The following CATSPERB variants were observed in gnomAD, a reference collection of about 807,000 sequenced individuals.
CATSPERB encodes catsper channel auxiliary subunit beta, also known as cation channel sperm-associated auxiliary subunit beta.
CATSPERB carries 93 observed loss-of-function variants against 128.3 expected under a neutral mutation model. That is an observed-to-expected ratio of 0.72 (90% confidence interval 0.61 to 0.86). CATSPERB has a LOEUF of 0.86. Ranked by LOEUF, CATSPERB falls within the 40% of genes least tolerant of loss-of-function variation. The pLI is 0.00. For synonymous variants in CATSPERB, 381 were observed against 448.8 expected, an observed-to-expected ratio of 0.85 and a Z score of 1.91; for missense variants, 1,153 against 1,329.5, an observed-to-expected ratio of 0.87 and a Z score of 2.06.
intron 17 of CATSPERB, among the ~76,000 whole-genome samples, chr14:91,630,032 C>T (rs1409967327): frequency 2.6e-5 from 4 of 152,204 alleles, no homozygotes; most frequent in African/African-American, 4.8e-5. Flanking sequence ...CCAGCTGATC[C>T]CTTCCACTCC....
At chr14:91,676,143 T>A (rs1895189997) in intron 11 of CATSPERB, among the ~76,000 whole-genome samples, 1 of 152,228 alleles carries the variant, frequency 6.6e-6, no homozygotes, top group Non-Finnish European at 1.5e-5. Flanking sequence ...GTCATTAGAC[T>A]GTTGGGGAAA....
At chr14:91,591,690 T>C (rs1893406411) in intron 23 of CATSPERB, among the ~76,000 whole-genome samples, 1 of 152,082 alleles carries the variant, frequency 6.6e-6, no homozygotes. Context: ...GCAGGTATTA[T>C]TGTTTTATTT....
At chr14:91,700,870 C>A (rs1360693174) in intron 7 of CATSPERB, among the ~76,000 whole-genome samples, 1 of 152,092 alleles carries the variant, frequency 6.6e-6, no homozygotes, top group African/African-American at 2.4e-5. Flanking sequence ...GTGCTATGCT[C>A]ACTATCTGGG....
chr14:91,630,557 T>C lies in CATSPERB; in HGVS notation c.1743-5550A>G, dbSNP rs149876640. Among the ~76,000 whole-genome samples, 14 of 152,332 alleles carry C rather than the reference T, an allele frequency of 9.2e-5. No homozygotes were observed. The East Asian group carries it at 2.5e-3, about 27-fold the overall frequency. ...AAAATGGCGGTAGCGTCCTTCTAGC[T>C]ACAAACCACAAACCTAGACAATTTT... On this transcript the variant is annotated intron_variant, in intron 17 of 26. Transcript: ENST00000256343.
intron 15 of CATSPERB, among the ~76,000 whole-genome samples, chr14:91,641,467 T>A (rs1464987952): frequency 6.6e-6 from 1 of 152,144 alleles, no homozygotes; most frequent in African/African-American, 2.4e-5. Context: ...AAATAGGGAA[T>A]CCTTTCCCCA....
intron 2 of CATSPERB, among the ~76,000 whole-genome samples, chr14:91,726,658 A>T (rs1242183314): frequency 6.6e-6 from 1 of 152,186 alleles, no homozygotes; most frequent in Non-Finnish European, 1.5e-5. Flanking sequence ...GGGAATGAAG[A>T]AGTTTTTGCC....
chr14:91,714,574 T>G (rs1226253654), intron 5 of CATSPERB, among the ~76,000 whole-genome samples: 1 of 149,156 alleles, frequency 6.7e-6, no homozygotes, highest in African/African-American at 2.5e-5. Context: ...TTTTTTTTTT[T>G]TTTGAGATAG....
chr14:91,624,822 T>G lies in CATSPERB; in HGVS notation c.1928A>C (p.Gln643Pro). Residue 643 changes from glutamine to proline, a missense_variant and splice_region_variant, in exon 18 of 27, where the codon CAA becomes CCA. Coordinates refer to ENST00000256343, the MANE Select transcript of CATSPERB (RefSeq NM_024764.4). ...GNVYKLTLDSQVVQALFEDTD... is the reference protein window; with the variant it reads ...GNVYKLTLDSPVVQALFEDTD... The stretch of plus-strand genomic sequence containing the variant: ...ATGTATGATATTATTATACCTACCT[T>G]GTGAATCAAGAGTGAGTTTATAGAC... 1 of 1,588,292 alleles carries G rather than the reference T, an allele frequency of 6.3e-7. No homozygotes were observed. Among genetic ancestry groups the G allele is most frequent in the Non-Finnish European group, 8.5e-7 (1 of 1,171,908 alleles).
At chr14:91,673,049 T>G (rs1895127167) in intron 12 of CATSPERB, 33 bp from the exon 13 acceptor site, 1 of 1,527,386 alleles carries the variant, frequency 6.5e-7, no homozygotes, top group Admixed American at 2.4e-5. Flanking sequence ...ATTAATGCTG[T>G]TTTTGAAATA....
At chr14:91,591,532 T>C (rs1490002837) in intron 23 of CATSPERB, among the ~76,000 whole-genome samples, 2 of 151,680 alleles carry the variant, frequency 1.3e-5, no homozygotes, top group East Asian at 1.9e-4. Flanking sequence ...TGATACTAGA[T>C]ACTCAAAGTT....
rs572762565 is a variant in CATSPERB at position 91,719,559 on chromosome 14, G to A, written c.310-81C>T. On this transcript the variant is annotated intron_variant, in intron 4 of 26. Transcript: ENST00000256343. ...CACATTCTATGCTATATTTTTAAAA[G>A]AGAATTAAACAAAAACATCCAATGC... The A allele has an allele frequency of 1.3e-4, 152 of 1,144,224 alleles. 1 individual carries two copies. In the African/African-American group the frequency reaches 2.0e-3, roughly 15 times the overall value. 70.9% of individuals were successfully genotyped at this position (1,144,224 alleles called of 1,614,324 possible).
At chr14:91,657,362 CA>C (rs1894805379) in intron 15 of CATSPERB, among the ~76,000 whole-genome samples, 1 of 150,644 alleles carries the variant, frequency 6.6e-6, no homozygotes, top group South Asian at 2.1e-4. Context: ...AAAATCAAAA[CA>C]AAATGGATTA....
At chr14:91,717,446 C>G (rs188441777) in intron 5 of CATSPERB, among the ~76,000 whole-genome samples, 1 of 152,144 alleles carries the variant, frequency 6.6e-6, no homozygotes. Context: ...ATATGTAGTT[C>G]ACACTTCAAA....
Position 91,632,994 on chromosome 14 carries a change from T to G in CATSPERB, c.1742+3431A>C, listed in dbSNP as rs529675725. Among the ~76,000 whole-genome samples, 4 of 152,288 alleles carry G rather than the reference T, an allele frequency of 2.6e-5. No homozygotes were observed. The South Asian group carries it at 8.3e-4, about 32-fold the overall frequency. ...AAGAGAAATTTGTACAAACAGACCT[T>G]GTTAAACTAACCCTTATCTTCCTAG... On this transcript the variant is annotated intron_variant, in intron 17 of 26. Transcript: ENST00000256343.
intron 22 of CATSPERB, among the ~76,000 whole-genome samples, chr14:91,600,123 A>C (rs1260710027): frequency 6.6e-6 from 1 of 152,236 alleles, no homozygotes; most frequent in African/African-American, 2.4e-5. Context: ...TCTTTTGGAT[A>C]TATCTAGGAG....
At chr14:91,594,921 A>T (rs1465783014) in intron 22 of CATSPERB, among the ~76,000 whole-genome samples, 1 of 152,232 alleles carries the variant, frequency 6.6e-6, no homozygotes, top group Non-Finnish European at 1.5e-5. Context: ...AAGAAAGCAC[A>T]GCTTAGTTTT....
intron 17 of CATSPERB, 46 bp downstream of exon 17, chr14:91,636,379 A>G: frequency 6.3e-7 from 1 of 1,579,420 alleles, no homozygotes. Context: ...TTTAAAAAGT[A>G]GATTCTAGAA....
At chr14:91,698,043 A>T (rs1294805305) in intron 7 of CATSPERB, among the ~76,000 whole-genome samples, 3 of 151,954 alleles carry the variant, frequency 2.0e-5, no homozygotes, top group Non-Finnish European at 4.4e-5. Flanking sequence ...TGTATCATCT[A>T]TGATTTATTT....
intron 7 of CATSPERB, among the ~76,000 whole-genome samples, chr14:91,700,934 CA>C (rs770401627): frequency 6.6e-6 from 1 of 152,088 alleles, no homozygotes; most frequent in Non-Finnish European, 1.5e-5. Context: ...ACCCATGTAA[CA>C]AACCTGCACA....
Sources: gnomAD v4.1 joint callset for allele counts (sites outside exome capture counted in the v4.1 genomes callset) on GRCh38, gnomAD v4.1.1 for gene constraint, MANE v1.5 for transcripts, NCBI Gene and HGNC (gene_info 2026-07-23, HGNC 2026-07-21) for gene names.